The following PCDHGA10 variants were observed in gnomAD, a reference collection of about 807,000 sequenced individuals.
PCDHGA10 encodes the protein protocadherin gamma-A10.
PCDHGA10 carries 42 observed loss-of-function variants against 59.5 expected under a neutral mutation model. That is an observed-to-expected ratio of 0.71 (90% CI 0.55 to 0.91). PCDHGA10 has a LOEUF of 0.91. PCDHGA10 is among the 40% of genes least tolerant of loss of function. PCDHGA10 has a pLI of 0.00. For missense variants in PCDHGA10, 1,111 were observed against 1,198.2 expected, an observed-to-expected ratio of 0.93 and a Z score of 1.07; for synonymous variants, 511 against 517.2, an observed-to-expected ratio of 0.99 and a Z score of 0.16.
At chr5:141,473,810 G>A (rs549204595) in intron 1 of PCDHGA10, among the ~76,000 whole-genome samples, 1 of 152,334 alleles carries the variant, frequency 6.6e-6, no homozygotes, top group South Asian at 2.1e-4. Flanking sequence ...CTGAGGAGCA[G>A]CTGGACAATT....
intron 1 of PCDHGA10, among the ~76,000 whole-genome samples, chr5:141,425,059 G>A (rs1056925377): frequency 3.3e-5 from 5 of 152,110 alleles, no homozygotes; most frequent in Non-Finnish European, 7.4e-5. Flanking sequence ...CTAGGGCTCG[G>A]ACAAAAATAA....
intron 1 of PCDHGA10, chr5:141,419,836 G>A (rs756561978): frequency 1.9e-6 from 3 of 1,613,958 alleles, no homozygotes. Context: ...CCACTGCCAC[G>A]CTGCACCTGG....
chr5:141,503,221 C>A (rs528636727), intron 2 of PCDHGA10, among the ~76,000 whole-genome samples: 2 of 151,956 alleles, frequency 1.3e-5, no homozygotes, highest in Non-Finnish European at 2.9e-5. Context: ...CCATGAGCAC[C>A]GTAAAGATGG....
Position 141,476,461 on chromosome 5 carries a change from G to T in PCDHGA10, c.2437-18346G>T. On this transcript the variant is annotated intron_variant, in intron 1 of 3. Transcript: ENST00000398610. This position sits in a 1 kb window ranked among gnomAD's most constrained non-coding sequence, Gnocchi z 7.6. The stretch of plus-strand genomic sequence containing the variant: ...CTCTGGAGTTGGTAGTGGAGAACCC[G>T]CTGGAGCTGTTCAGCGTGGAAGTGG... The T allele has an allele frequency of 6.2e-7, 1 of 1,614,122 alleles. No homozygotes were observed. Among genetic ancestry groups the T allele is most frequent in the Non-Finnish European group, 8.5e-7 (1 of 1,180,022 alleles).
Position 141,432,400 on chromosome 5 carries a change from G to C in PCDHGA10, c.2436+16789G>C, listed in dbSNP as rs139153105. ...ACCCGCCCCTCAGCAGCAACGTGTC[G>C]TTGAGCCTGTTCGTGCTGGACCAGA... is the stretch of plus-strand genomic sequence containing the variant. On this transcript the variant is annotated intron_variant, in intron 1 of 3. Coordinates refer to ENST00000398610, the MANE Select transcript of PCDHGA10 (RefSeq NM_018913.3). This position sits in a 1 kb window ranked among gnomAD's most constrained non-coding sequence, Gnocchi z 6.0. 1.2e-6 allele frequency: 2 copies of C among 1,614,240 alleles called. No individual in the cohort carries two copies. Among genetic ancestry groups the C allele is most frequent in the South Asian group, 2.2e-5 (2 of 91,090 alleles).
Position 141,489,400 on chromosome 5 carries a change from T to A in PCDHGA10, c.2437-5407T>A. 6.2e-7 allele frequency: 1 copy of A among 1,614,134 alleles called. No individual in the cohort carries two copies. Among genetic ancestry groups the A allele is most frequent in the Non-Finnish European group, 8.5e-7 (1 of 1,180,020 alleles). On this transcript the variant is annotated intron_variant, in intron 1 of 3. Transcript: ENST00000398610. This position sits in a 1 kb window ranked among gnomAD's most constrained non-coding sequence, Gnocchi z 4.5. ...GGGGAATGTTGCTCAGGATCTGGGC[T>A]TAAAGATGACAGATCTGTTGAGCCG...
At chr5:141,423,318 G>T (rs1165459779) in intron 1 of PCDHGA10, 17 of 1,614,006 alleles carry the variant, frequency 1.1e-5, no homozygotes, top group South Asian at 8.8e-5. Context: ...TGGTGGTGGC[G>T]GTGGCCGCAG....
At chr5:141,421,679 C>T (rs1210753842) in intron 1 of PCDHGA10, 2 of 1,613,810 alleles carry the variant, frequency 1.2e-6, no homozygotes, top group Admixed American at 1.7e-5. Context: ...ATTCCTGGGG[C>T]GCGATTTGCT....
intron 1 of PCDHGA10, among the ~76,000 whole-genome samples, chr5:141,452,375 G>A (rs1239059045): frequency 2.0e-5 from 3 of 152,194 alleles, no homozygotes; most frequent in African/African-American, 7.2e-5. Context: ...TTTTAGTAGG[G>A]AATAGTATTT....
chr5:141,447,650 TC>T (rs1036312126), intron 1 of PCDHGA10, among the ~76,000 whole-genome samples: 1 of 151,988 alleles, frequency 6.6e-6, no homozygotes, highest in Non-Finnish European at 1.5e-5. Context: ...GGTAGAATTT[TC>T]CCCCCCAGGA....
chr5:141,467,897 A>G (rs1403276382), intron 1 of PCDHGA10, among the ~76,000 whole-genome samples: 1 of 152,056 alleles, frequency 6.6e-6, no homozygotes, highest in Non-Finnish European at 1.5e-5. Flanking sequence ...GAGCTCAAGA[A>G]ATCCGCCCAC....
chr5:141,502,084 G>A (rs1438350526), intron 2 of PCDHGA10, among the ~76,000 whole-genome samples: 1 of 152,154 alleles, frequency 6.6e-6, no homozygotes, highest in African/African-American at 2.4e-5. Context: ...CTGGGGCTGA[G>A]AACACCTGGC....
intron 1 of PCDHGA10, among the ~76,000 whole-genome samples, chr5:141,429,880 G>A (rs1209368869): frequency 6.6e-6 from 1 of 152,104 alleles, no homozygotes; most frequent in Non-Finnish European, 1.5e-5. Context: ...CTTTTACTAA[G>A]TTTCCTGAAC....
At chr5:141,418,868 G>A in intron 1 of PCDHGA10, 2 of 1,613,998 alleles carry the variant, frequency 1.2e-6, no homozygotes, top group Non-Finnish European at 1.7e-6. Flanking sequence ...AATTGTAGAA[G>A]TTGTAGACGA....
At chr5:141,483,291 A>T (rs767446911) in intron 1 of PCDHGA10, among the ~76,000 whole-genome samples, 4 of 152,126 alleles carry the variant, frequency 2.6e-5, no homozygotes, top group African/African-American at 4.8e-5. Flanking sequence ...TGTCAGTCAT[A>T]AGTGAAGGGA....
Position 141,510,946 on chromosome 5 carries a change from GA to G in PCDHGA10, c.2586del (p.Ala863LeufsTer17). The G allele has an allele frequency of 6.2e-7, 1 of 1,614,128 alleles. No homozygotes were observed. ...LQAMILASAS[E>X]AADGSSTLGG... ...CACCTGATCTTCCTCTGTCTCTGCA[GA>G]AGCTGCTGATGGGAGCTCCACCCTG... On this transcript the variant is annotated frameshift_variant and splice_region_variant, in exon 4 of 4. Coordinates refer to ENST00000398610, the MANE Select transcript of PCDHGA10 (RefSeq NM_018913.3). LOFTEE classifies it high-confidence loss of function.
At position 141,489,072 on chromosome 5, in the gene PCDHGA10, A is replaced by AC; in HGVS notation, c.2437-5730dup. The AC allele has an allele frequency of 1.3e-5, 2 of 157,710 alleles. No homozygotes were observed. Among genetic ancestry groups the AC allele is most frequent in the Non-Finnish European group, 1.2e-5 (1 of 83,996 alleles). 9.8% of individuals were successfully genotyped at this position (157,710 alleles called of 1,614,324 possible). A position where few individuals can be genotyped will look rare whatever the true frequency, so the allele number is the denominator to read the frequency against. On this transcript the variant is annotated intron_variant, in intron 1 of 3. Transcript: ENST00000398610. This position sits in a 1 kb window ranked among gnomAD's most constrained non-coding sequence, Gnocchi z 4.5. The stretch of plus-strand genomic sequence containing the variant: ...AATTCAGCTCCCCTCCCCCCTGCCC[A>AC]CCCCCGCCACTCGGTGACTAAGAAC...
chr5:141,485,070 G>T lies in PCDHGA10; in HGVS notation c.2437-9737G>T. ...CGCCGGCCGAACCGCGCCAGAGCTG[G>T]CGCGGGGAAAGGGAGATAGGTGTCT... On this transcript the variant is annotated intron_variant, in intron 1 of 3. Coordinates refer to ENST00000398610, the MANE Select transcript of PCDHGA10 (RefSeq NM_018913.3). This position sits in a 1 kb window ranked among gnomAD's most constrained non-coding sequence, Gnocchi z 5.7. 1.1e-6 allele frequency: 1 copy of T among 908,406 alleles called. No individual in the cohort carries two copies. Among genetic ancestry groups the T allele is most frequent in the East Asian group, 2.4e-5 (1 of 41,326 alleles). 56.3% of individuals were successfully genotyped at this position (908,406 alleles called of 1,614,324 possible).
At position 141,489,220 on chromosome 5, in the gene PCDHGA10, C is replaced by T; in HGVS notation, c.2437-5587C>T. ...AGACAGGACAGCACAGACTTACTCT[C>T]CACAAAGGGACTTCTGGGTCATGGG... On this transcript the variant is annotated intron_variant, in intron 1 of 3. Transcript: ENST00000398610. This position sits in a 1 kb window ranked among gnomAD's most constrained non-coding sequence, Gnocchi z 4.5. The T allele has an allele frequency of 6.6e-7, 1 of 1,508,698 alleles. No homozygotes were observed. The highest frequency in any genetic ancestry group is 8.9e-7 in the Non-Finnish European group (1 of 1,122,110). The allele number at this position is 1,508,698 out of a possible 1,614,324, so 93.5% of individuals were successfully genotyped here.
Sources: allele counts gnomAD v4.1 joint callset (sites outside exome capture counted in the v4.1 genomes callset), GRCh38; gene constraint gnomAD v4.1.1; non-coding constraint Gnocchi (gnomAD v3.1); transcripts MANE v1.5; gene names NCBI Gene and HGNC (gene_info 2026-07-23, HGNC 2026-07-21).